RAPSN: variants seen among roughly 807,000 people sequenced by gnomAD.
RAPSN encodes the protein receptor associated protein of the synapse, also known as 43 kDa receptor-associated protein of the synapse.
Under a neutral mutation model 45.7 loss-of-function variants are expected in RAPSN, and 33 were observed. That is an observed-to-expected ratio of 0.72 (90% CI 0.55 to 0.97). The LOEUF is 0.97. Among genes scored for constraint, RAPSN ranks in the 50% least tolerant of loss-of-function variants. The probability of loss-of-function intolerance (pLI) is 0.00; values close to 1 mark genes in which losing one functional copy is unlikely to be tolerated. For synonymous variants in RAPSN, 244 were observed against 233.6 expected (o/e 1.04, Z -0.40); for missense variants, 519 against 559.4 (o/e 0.93, Z 0.73).
chr11:47,439,429 G>T (rs984926815), intron 6 of RAPSN, among the ~76,000 whole-genome samples: 8 of 152,164 alleles, frequency 5.3e-5, no homozygotes, highest in Non-Finnish European at 8.8e-5. Flanking sequence ...AGCCGAAATC[G>T]CACCACTGCA....
intron 5 of RAPSN, 110 bp downstream of exon 5, chr11:47,441,501 T>C (rs763332340): frequency 1.1e-4 from 166 of 1,548,706 alleles, no homozygotes; most frequent in Non-Finnish European, 1.4e-4. Context: ...CCTCGTAGGA[T>C]CAGGGTGAGG....
chr11:47,446,607 C>T (rs2076408425), intron 2 of RAPSN, among the ~76,000 whole-genome samples: 1 of 152,088 alleles, frequency 6.6e-6, no homozygotes, highest in Admixed American at 6.6e-5. Flanking sequence ...GGAAAGGGAA[C>T]AAAAATACCC....
intron 6 of RAPSN, 40 bp downstream of exon 6, chr11:47,441,119 G>A: frequency 6.2e-7 from 1 of 1,612,954 alleles, no homozygotes; most frequent in Non-Finnish European, 8.5e-7. Context: ...CCCCACTTGG[G>A]CCCTTGACCC....
intron 5 of RAPSN, 136 bp from the exon 6 acceptor site, chr11:47,441,348 G>C: frequency 7.8e-7 from 1 of 1,276,248 alleles, no homozygotes; most frequent in Non-Finnish European, 1.1e-6. Flanking sequence ...AGCAGGAAGA[G>C]ACTAGGGCAC....
rs554388545 is a variant in RAPSN, at chr11:47,442,666, T to C, written c.680A>G (p.Glu227Gly). The C allele has an allele frequency of 2.2e-5, 35 of 1,603,450 alleles. No homozygotes were observed. In the South Asian group the frequency reaches 3.8e-4, roughly 18 times the overall value. ...TCCCCGCTGCCCCACCTCACAACAC[T>C]CCATGGCACTGCCCAGGCGGCCCAG... The part of the protein sequence containing the change: ...RLLGRLGSAM[E>G]CCEESMKIAL... Residue 227 changes from glutamate to glycine, a missense_variant, in exon 3 of 8, where the codon GAG becomes GGG. Transcript: ENST00000298854.
intron 6 of RAPSN, among the ~76,000 whole-genome samples, chr11:47,439,404 G>A (rs965762557): frequency 2.6e-5 from 4 of 152,112 alleles, no homozygotes; most frequent in Non-Finnish European, 5.9e-5. Flanking sequence ...AACCCAGGAG[G>A]CGGAGGTTGC....
chr11:47,438,911 G>A lies in RAPSN; in HGVS notation c.987C>T (p.His329=), dbSNP rs1340342787. 3 of 1,560,190 alleles carry A rather than the reference G, an allele frequency of 1.9e-6. No individual in the cohort carries two copies. The highest frequency in any genetic ancestry group is 2.6e-6 in the Non-Finnish European group (3 of 1,151,654). Residue 329 remains histidine (H), a synonymous_variant, in exon 7 of 8, where the codon CAC becomes CAT. Coordinates refer to ENST00000298854, the MANE Select transcript of RAPSN (RefSeq NM_005055.5). ...TGCGGTAAATGCTCTCGCTCAGACA[G>A]TGCAGCTTGAGCTGGCTCAGCTGGG... ...VGNKLSQLKL[H]CLSESIYRSK...
Position 47,449,086 on chromosome 11 carries a change from G to A in RAPSN, c.-122C>T, listed in dbSNP as rs2076435390. The A allele has an allele frequency of 8.2e-7, 1 of 1,217,216 alleles. No homozygotes were observed. Among genetic ancestry groups the A allele is most frequent in the Non-Finnish European group, 1.2e-6 (1 of 841,708 alleles). The allele number at this position is 1,217,216 out of a possible 1,614,324, so 75.4% of individuals were successfully genotyped here. ...AAACGTGGGAACAAAAGCAGCGTCG[G>A]GTGGGAGCCGGAATGGGGCCTGGAT... On this transcript the variant is annotated 5_prime_UTR_variant, in exon 1 of 8. Coordinates refer to ENST00000298854, the MANE Select transcript of RAPSN (RefSeq NM_005055.5).
At chr11:47,445,885 G>A (rs970172327) in intron 2 of RAPSN, among the ~76,000 whole-genome samples, 2 of 151,688 alleles carry the variant, frequency 1.3e-5, no homozygotes, top group East Asian at 1.9e-4. Context: ...TTAGAAGCAC[G>A]GACATCCCAC....
chr11:47,439,976 C>T (rs2076350655), intron 6 of RAPSN, among the ~76,000 whole-genome samples: 1 of 152,016 alleles, frequency 6.6e-6, no homozygotes, highest in Admixed American at 6.6e-5. Context: ...AGGTGTGAGC[C>T]ACCGCACCCG....
In RAPSN at chr11:47,438,771, C is replaced by A; in HGVS notation, c.1127G>T (p.Arg376Leu). The A allele has an allele frequency of 1.9e-6, 3 of 1,565,378 alleles. No homozygotes were observed. In the South Asian group the frequency reaches 3.5e-5, roughly 18 times the overall value. ...GTGGGAGCAAGGTAGGGCCTGCAGC[C>A]GGCTGTTCTTCTCGCCTATGGACTC... ...CGESIGEKNS[R>L]LQALPCSHIF... Residue 376 changes from arginine (R) to leucine (L), a missense_variant, in exon 7 of 8, where the codon CGG (arginine) becomes CTG (leucine). Arg to Leu is a moderately radical substitution (Grantham distance 102, BLOSUM62 -2). Transcript: ENST00000298854.
At chr11:47,438,096 T>C in intron 7 of RAPSN, 49 bp from the exon 8 acceptor site, 1 of 1,542,742 alleles carries the variant, frequency 6.5e-7, no homozygotes, top group Non-Finnish European at 8.8e-7. Context: ...TGTCCTTCCC[T>C]CCGGGCCCTC....
At chr11:47,438,515 G>T (rs2076332357) in intron 7 of RAPSN, 1 of 598,558 alleles carries the variant, frequency 1.7e-6, no homozygotes, top group South Asian at 2.2e-5. Context: ...TAGAGACGGG[G>T]TTTCACCATG....
At chr11:47,446,961 T>G (rs931689381) in intron 2 of RAPSN, among the ~76,000 whole-genome samples, 5 of 152,026 alleles carry the variant, frequency 3.3e-5, no homozygotes, top group African/African-American at 1.2e-4. Flanking sequence ...TCCTATCAGT[T>G]CCTTCACAGT....
intron 2 of RAPSN, among the ~76,000 whole-genome samples, chr11:47,446,824 G>A (rs995786112): frequency 3.3e-5 from 5 of 152,164 alleles, no homozygotes; most frequent in African/African-American, 1.2e-4. Flanking sequence ...AGAATCGCTT[G>A]AACCCAGGAG....
In RAPSN at chr11:47,446,128, A is replaced by G. The variant is rs144244251; in HGVS notation, c.531+1684T>C. Among the ~76,000 whole-genome samples, 12 of 151,468 alleles carry G rather than the reference A, an allele frequency of 7.9e-5. No homozygotes were observed. In the East Asian group the frequency reaches 2.1e-3, roughly 27 times the overall value. On this transcript the variant is annotated intron_variant, in intron 2 of 7. Coordinates refer to ENST00000298854, the MANE Select transcript of RAPSN (RefSeq NM_005055.5). ...AGTTTGGTGCAGATGGGGTCTTGCT[A>G]TGCGACTCAAGCTGCTCTCAAACTC...
intron 6 of RAPSN, 57 bp from the exon 7 acceptor site, chr11:47,438,988 G>A: frequency 1.3e-6 from 2 of 1,518,736 alleles, no homozygotes; most frequent in Non-Finnish European, 1.8e-6. Flanking sequence ...GTCAGTGCAG[G>A]TAGGCTCCGG....
Position 47,438,812 on chromosome 11 carries a change from G to A in RAPSN, c.1086C>T (p.Tyr362=), listed in dbSNP as rs763018407. ...CTATGGACTCGCCGCACAGGCCGCA[G>A]TAGAGCTCCGTCTCCTCCACGCACT... The part of the protein sequence containing the change: ...FHECVEETEL[Y]CGLCGESIGE... Residue 362 remains tyrosine, a synonymous_variant, in exon 7 of 8, where the codon TAC becomes TAT. Transcript: ENST00000298854. 9 of 1,573,690 alleles carry A rather than the reference G, an allele frequency of 5.7e-6. No homozygotes were observed. Among genetic ancestry groups the A allele is most frequent in the Admixed American group, 1.8e-5 (1 of 54,238 alleles).
intron 6 of RAPSN, 36 bp from the exon 7 acceptor site, chr11:47,438,967 A>C: frequency 6.5e-7 from 1 of 1,545,668 alleles, no homozygotes; most frequent in Non-Finnish European, 8.7e-7. Context: ...CCAGTGGGGG[A>C]TGAGAACAAA....
Sources: allele counts gnomAD v4.1 joint callset (sites outside exome capture counted in the v4.1 genomes callset), GRCh38; gene constraint gnomAD v4.1.1; transcripts MANE v1.5; gene names NCBI Gene and HGNC (gene_info 2026-07-23, HGNC 2026-07-21).